The following NOS1AP variants were observed in gnomAD, a reference collection of about 807,000 sequenced individuals.
NOS1AP encodes nitric oxide synthase 1 adaptor protein.
A neutral mutation model predicts 56.2 loss-of-function variants in NOS1AP; 21 were observed. The observed-to-expected ratio is 0.37, with a 90% CI of 0.26 to 0.54. The LOEUF is 0.54. Ranked by LOEUF, NOS1AP falls within the 20% of genes least tolerant of loss-of-function variation. The pLI, the probability that NOS1AP is intolerant of heterozygous loss-of-function variation, is 0.84. For missense variants in NOS1AP, 522 were observed against 657.8 expected (o/e 0.79, Z 2.26); for synonymous variants, 270 against 274.6 (o/e 0.98, Z 0.17).
At chr1:162,111,214 C>A (rs912195862) in intron 1 of NOS1AP, among the ~76,000 whole-genome samples, 3 of 152,098 alleles carry the variant, frequency 2.0e-5, no homozygotes, top group African/African-American at 7.2e-5. Context: ...TCAGATAGGA[C>A]TAGAGTATTC....
At chr1:162,253,034 A>G (rs1194626262) in intron 2 of NOS1AP, among the ~76,000 whole-genome samples, 1 of 152,202 alleles carries the variant, frequency 6.6e-6, no homozygotes, top group Non-Finnish European at 1.5e-5. Context: ...AACAAAACTC[A>G]TGTTTAAATT....
At position 162,170,531 on chromosome 1, in the gene NOS1AP, T is replaced by C. The variant is rs139001583; in HGVS notation, c.177+16055T>C. 1.1e-3 allele frequency among the ~76,000 whole-genome samples: 172 copies of C among 152,112 alleles called. 1 individual carries two copies. The highest frequency in any genetic ancestry group is 4.0e-3 in the African/African-American group (166 of 41,472). ...AAAGTTGTACTGAAGTTAAGAGATA[T>C]AGGGGAGCAGGAATAGGTTAGTTTA... On this transcript the variant is annotated intron_variant, in intron 2 of 9. Coordinates refer to ENST00000361897, the MANE Select transcript of NOS1AP (RefSeq NM_014697.3).
At chr1:162,073,977 C>A (rs1408239011) in intron 1 of NOS1AP, among the ~76,000 whole-genome samples, 1 of 152,206 alleles carries the variant, frequency 6.6e-6, no homozygotes, top group East Asian at 1.9e-4. Context: ...AACTGACTGT[C>A]TCTCCTCTCT....
At chr1:162,205,149 C>A (rs1295408443) in intron 2 of NOS1AP, among the ~76,000 whole-genome samples, 1 of 152,156 alleles carries the variant, frequency 6.6e-6, no homozygotes, top group Non-Finnish European at 1.5e-5. Flanking sequence ...TGAAAAGAAG[C>A]CCTGTGAACC....
chr1:162,196,384 T>A (rs1406702558), intron 2 of NOS1AP, among the ~76,000 whole-genome samples: 2 of 152,242 alleles, frequency 1.3e-5, no homozygotes, highest in Non-Finnish European at 2.9e-5. Flanking sequence ...AGCTGTAATC[T>A]ATTGATTCAT....
chr1:162,243,438 A>T (rs1653558807), intron 2 of NOS1AP, among the ~76,000 whole-genome samples: 1 of 152,192 alleles, frequency 6.6e-6, no homozygotes. Flanking sequence ...GAAGAAAAAA[A>T]ACAAGGAAGA....
At chr1:162,305,387 A>AT (rs11433685) in intron 4 of NOS1AP, among the ~76,000 whole-genome samples, 15,555 of 139,974 alleles carry the variant, frequency 0.11, 896 homozygotes, top group African/African-American at 0.16. Context: ...AATTCCTCCT[A>AT]TTTTTTTTTT....
At chr1:162,219,149 T>C (rs531923168) in intron 2 of NOS1AP, among the ~76,000 whole-genome samples, 3 of 152,296 alleles carry the variant, frequency 2.0e-5, no homozygotes, top group South Asian at 4.2e-4. Flanking sequence ...GCTCTTAACC[T>C]TTCCAGCCCT....
chr1:162,310,307 G>C (rs1193510112), intron 4 of NOS1AP, among the ~76,000 whole-genome samples: 1 of 152,228 alleles, frequency 6.6e-6, no homozygotes, highest in Non-Finnish European at 1.5e-5. Context: ...GGTGACATCT[G>C]CACCTTCTGT....
chr1:162,190,676 C>G (rs182887762), intron 2 of NOS1AP, among the ~76,000 whole-genome samples: 1 of 152,014 alleles, frequency 6.6e-6, no homozygotes, highest in East Asian at 1.9e-4. Flanking sequence ...TATAGTTATC[C>G]GGCAGTGGTG....
In NOS1AP at chr1:162,343,929, A is replaced by G. The variant is rs760586846; in HGVS notation, c.548A>G (p.Gln183Arg). Residue 183 changes from glutamine to arginine, a missense_variant, in exon 6 of 10, where the codon CAG becomes CGG. Transcript: ENST00000361897. ...LQHTQQNADGQEDGESERNSN... is the reference protein window; with the variant it reads ...LQHTQQNADGREDGESERNSN... ...CACACGCAGCAGAATGCAGATGGCC[A>G]GGAAGATGGAGAGAGCGAGAGGAAC... 1.7e-5 allele frequency: 28 copies of G among 1,614,184 alleles called. No individual in the cohort carries two copies. The highest frequency in any genetic ancestry group is 2.3e-5 in the Non-Finnish European group (27 of 1,180,020).
At position 162,251,857 on chromosome 1, in the gene NOS1AP, G is replaced by GTTTTTT. The variant is rs771192069; in HGVS notation, c.178-35481_178-35476dup. Among the ~76,000 whole-genome samples, 20 of 100,440 alleles carry GTTTTTT rather than the reference G, an allele frequency of 2.0e-4. 1 individual carries two copies. Among genetic ancestry groups the GTTTTTT allele is most frequent in the Non-Finnish European group, 2.8e-4 (15 of 54,486 alleles). 65.9% of individuals were successfully genotyped at this position (100,440 alleles called of 152,430 possible). A position where few individuals can be genotyped will look rare whatever the true frequency, so the allele number is the denominator to read the frequency against. ...CATGCACCACAACACCTAGCTAGTT[G>GTTTTTT]TTTTTTTTTTTGTTTTTTTTTTTTT... On this transcript the variant is annotated intron_variant, in intron 2 of 9. Transcript: ENST00000361897.
intron 2 of NOS1AP, among the ~76,000 whole-genome samples, chr1:162,172,296 G>T (rs912117721): frequency 6.6e-6 from 1 of 152,170 alleles, no homozygotes. Context: ...TGGGTGGTAG[G>T]GTAGCTGTAG....
chr1:162,139,976 C>A (rs1170777111), intron 1 of NOS1AP, among the ~76,000 whole-genome samples: 1 of 152,074 alleles, frequency 6.6e-6, no homozygotes, highest in Non-Finnish European at 1.5e-5. Flanking sequence ...TACAGGTGTG[C>A]ACCACCACAC....
At chr1:162,241,571 A>T (rs971292297) in intron 2 of NOS1AP, among the ~76,000 whole-genome samples, 11 of 152,162 alleles carry the variant, frequency 7.2e-5, no homozygotes, top group Non-Finnish European at 1.2e-4. Context: ...TACTATTATT[A>T]TCCTCATTTT....
chr1:162,263,466 G>T (rs1322426442), intron 2 of NOS1AP, among the ~76,000 whole-genome samples: 1 of 152,172 alleles, frequency 6.6e-6, no homozygotes, highest in Non-Finnish European at 1.5e-5. Context: ...TAACACTGTT[G>T]CATTGGGGAT....
chr1:162,139,868 G>A (rs555566302), intron 1 of NOS1AP, among the ~76,000 whole-genome samples: 7 of 151,520 alleles, frequency 4.6e-5, no homozygotes, highest in South Asian at 4.2e-4. Context: ...TTACTTTGTC[G>A]CCCAGGCTGG....
intron 1 of NOS1AP, among the ~76,000 whole-genome samples, chr1:162,123,478 T>A (rs1458086842): frequency 6.6e-6 from 1 of 152,222 alleles, no homozygotes; most frequent in Non-Finnish European, 1.5e-5. Flanking sequence ...CAGAGATGCC[T>A]ACTCTCTACC....
chr1:162,070,328 G>C (rs747168982), intron 1 of NOS1AP, 46 bp downstream of exon 1: 1 of 1,521,192 alleles, frequency 6.6e-7, no homozygotes, highest in African/African-American at 1.4e-5. Context: ...GCGGTTGGGG[G>C]GGCATGTTTG....
Sources: allele counts gnomAD v4.1 joint callset (sites outside exome capture counted in the v4.1 genomes callset), GRCh38; gene constraint gnomAD v4.1.1; transcripts MANE v1.5; gene names NCBI Gene and HGNC (gene_info 2026-07-23, HGNC 2026-07-21).